Variants in RORA observed in about 807,000 individuals in gnomAD.
RORA encodes RAR related orphan receptor A.
RORA carries 7 observed loss-of-function variants against 69.5 expected under a neutral mutation model. The ratio of observed to expected loss-of-function variants is 0.10; its 90% CI spans 0.06 to 0.19. RORA has a LOEUF of 0.19. Among genes scored for constraint, RORA ranks in the 10% least tolerant of loss-of-function variants. The pLI is 1.00. For missense variants in RORA, 457 were observed against 663.0 expected (o/e 0.69, Z 3.41); for synonymous variants, 261 against 240.8 (o/e 1.08, Z -0.78).
intron 2 of RORA, among the ~76,000 whole-genome samples, chr15:60,667,886 G>A (rs1596110244): frequency 6.6e-6 from 1 of 151,748 alleles, no homozygotes; most frequent in South Asian, 2.1e-4. Flanking sequence ...GCCTCCCAAA[G>A]TGCTGGGTTT....
intron 2 of RORA, among the ~76,000 whole-genome samples, chr15:60,634,973 T>C (rs769470096): frequency 1.2e-4 from 19 of 152,344 alleles, no homozygotes; most frequent in Non-Finnish European, 2.2e-4. Context: ...TTCTAAGCGA[T>C]TAACGGTTTG....
At chr15:60,954,651 G>A (rs1028712795) in intron 1 of RORA, among the ~76,000 whole-genome samples, 1 of 152,102 alleles carries the variant, frequency 6.6e-6, no homozygotes, top group Non-Finnish European at 1.5e-5. Flanking sequence ...AAAACTTCAA[G>A]GGCAAATTCT....
At chr15:60,940,750 AC>A (rs1892669948) in intron 1 of RORA, among the ~76,000 whole-genome samples, 1 of 151,998 alleles carries the variant, frequency 6.6e-6, no homozygotes, top group Non-Finnish European at 1.5e-5. Flanking sequence ...ACATGGTGAA[AC>A]CCTGTCTCTA....
chr15:60,539,717 C>A (rs1302111242), intron 2 of RORA, among the ~76,000 whole-genome samples: 1 of 152,110 alleles, frequency 6.6e-6, no homozygotes, highest in Non-Finnish European at 1.5e-5. Flanking sequence ...ATCAGCAATA[C>A]AATCCTTTTT....
intron 2 of RORA, among the ~76,000 whole-genome samples, chr15:60,582,798 G>A (rs1279338969): frequency 4.6e-5 from 7 of 152,206 alleles, no homozygotes; most frequent in African/African-American, 1.7e-4. Flanking sequence ...GGGAGCAGAT[G>A]ACCTGTGAGG....
chr15:60,809,889 T>C (rs555050666), intron 1 of RORA, among the ~76,000 whole-genome samples: 1 of 152,280 alleles, frequency 6.6e-6, no homozygotes, highest in African/African-American at 2.4e-5. Flanking sequence ...TAAGTTTCAA[T>C]GCATTCAGAC....
At chr15:60,540,093 G>A (rs2066813023) in intron 2 of RORA, among the ~76,000 whole-genome samples, 1 of 151,992 alleles carries the variant, frequency 6.6e-6, no homozygotes. Context: ...TCCAACAATG[G>A]TGTCCCTTAC....
At chr15:60,619,839 G>A (rs565553369) in intron 2 of RORA, among the ~76,000 whole-genome samples, 1 of 152,352 alleles carries the variant, frequency 6.6e-6, no homozygotes, top group African/African-American at 2.4e-5. Flanking sequence ...CATTGTTTGA[G>A]GCACTTTCTG....
intron 2 of RORA, among the ~76,000 whole-genome samples, chr15:60,631,579 TG>T (rs1308521068): frequency 5.3e-5 from 8 of 152,290 alleles, no homozygotes; most frequent in African/African-American, 1.9e-4. Context: ...TTATTACTTT[TG>T]TTTTGCAGTA....
intron 1 of RORA, among the ~76,000 whole-genome samples, chr15:60,945,524 T>G (rs1892844780): frequency 1.3e-5 from 2 of 152,188 alleles, no homozygotes; most frequent in South Asian, 2.1e-4. Context: ...CAGTGCTTGT[T>G]AGAAAAAATA....
intron 1 of RORA, among the ~76,000 whole-genome samples, chr15:61,042,703 C>T (rs1896839400): frequency 6.6e-6 from 1 of 152,224 alleles, no homozygotes; most frequent in African/African-American, 2.4e-5. Flanking sequence ...CTCGATAAGC[C>T]TTCCTACCTA....
intron 1 of RORA, among the ~76,000 whole-genome samples, chr15:60,992,670 C>G (rs1894417028): frequency 7.1e-6 from 1 of 140,430 alleles, no homozygotes. Flanking sequence ...ACAGTCAGAG[C>G]CTCTGACACC....
chr15:61,211,818 C>T (rs1247450789), intron 1 of RORA: 2 of 152,172 alleles, frequency 1.3e-5, no homozygotes, highest in Non-Finnish European at 2.9e-5. Flanking sequence ...TCTGGTCCCT[C>T]GATGGGCTGC....
intron 1 of RORA, among the ~76,000 whole-genome samples, chr15:60,760,430 T>C (rs1428705968): frequency 6.6e-6 from 1 of 152,204 alleles, no homozygotes; most frequent in Non-Finnish European, 1.5e-5. Flanking sequence ...ATCACCCCAA[T>C]ATTATGTGTA....
At chr15:61,208,543 TG>T (rs2079962308) in intron 1 of RORA, among the ~76,000 whole-genome samples, 1 of 152,230 alleles carries the variant, frequency 6.6e-6, no homozygotes, top group African/African-American at 2.4e-5. Flanking sequence ...GTGAATGTAA[TG>T]GTAAGTAAAT....
At chr15:61,158,742 T>C (rs1232123758) in intron 1 of RORA, among the ~76,000 whole-genome samples, 1 of 152,192 alleles carries the variant, frequency 6.6e-6, no homozygotes, top group African/African-American at 2.4e-5. Context: ...TCGTGTCAGC[T>C]GAAACAATAT....
At chr15:61,154,229 A>C (rs2079423094) in intron 1 of RORA, among the ~76,000 whole-genome samples, 1 of 151,974 alleles carries the variant, frequency 6.6e-6, no homozygotes, top group African/African-American at 2.4e-5. Flanking sequence ...TTTTCTTGGC[A>C]TTTCCTATTT....
intron 1 of RORA, among the ~76,000 whole-genome samples, chr15:60,694,646 G>A: frequency 6.6e-6 from 1 of 152,228 alleles, no homozygotes; most frequent in East Asian, 1.9e-4. Flanking sequence ...CAGGGTGACA[G>A]ACTGGACCCT....
chr15:60,748,392 T>G (rs11632684), intron 1 of RORA, among the ~76,000 whole-genome samples: 22,983 of 151,404 alleles, frequency 0.15, 1,851 homozygotes, highest in South Asian at 0.25. Context: ...AACAAGGGAA[T>G]GGGTCCAGAG....
Sources: gnomAD v4.1 joint callset for allele counts (sites outside exome capture counted in the v4.1 genomes callset) on GRCh38, gnomAD v4.1.1 for gene constraint, MANE v1.5 for transcripts, NCBI Gene and HGNC (gene_info 2026-07-23, HGNC 2026-07-21) for gene names.